Variants in MFRP observed in about 807,000 individuals in gnomAD.
MFRP encodes C1q and TNF related 5.
A neutral mutation model predicts 65.8 loss-of-function variants in MFRP; 74 were observed. The observed-to-expected ratio is 1.12, with a 90% CI of 0.93 to 1.36. MFRP has a LOEUF of 1.36. MFRP is among the 40% of genes most tolerant of loss of function. The pLI is 0.00. For missense variants in MFRP, 838 were observed against 736.0 expected, an observed-to-expected ratio of 1.14 and a Z score of -1.60; for synonymous variants, 336 against 288.3, an observed-to-expected ratio of 1.17 and a Z score of -1.68.
rs534690569 is a variant in MFRP at position 119,340,362 on chromosome 11, C to T, written c.*932G>A. The T allele has an allele frequency of 1.9e-5, 30 of 1,544,052 alleles. No individual in the cohort carries two copies. The East Asian group carries it at 6.4e-4, about 33-fold the overall frequency. ...CGTCCAGTGGGGGCGAGCCGGCCGC[C>T]AGGCCCAGGAGCAGCAGGACGAGGA... On this transcript the variant is annotated 3_prime_UTR_variant, in exon 14 of 15. Coordinates refer to ENST00000619721, the MANE Select transcript of MFRP (RefSeq NM_031433.4).
In MFRP at chr11:119,340,282, C is replaced by A; in HGVS notation, c.*1012G>T. ...CGGCAAGCCCTGGCTGCCATGGTGG[C>A]CCGGCGTGCCTGGAAGGCCGGGGTG... On this transcript the variant is annotated 3_prime_UTR_variant, in exon 14 of 15. Coordinates refer to ENST00000619721, the MANE Select transcript of MFRP (RefSeq NM_031433.4). 2.6e-6 allele frequency: 4 copies of A among 1,530,750 alleles called. No homozygotes were observed. Among genetic ancestry groups the A allele is most frequent in the Non-Finnish European group, 3.5e-6 (4 of 1,140,636 alleles). 94.8% of individuals were successfully genotyped at this position (1,530,750 alleles called of 1,614,324 possible).
Position 119,341,907 on chromosome 11 carries a change from C to T in MFRP, c.1465G>A (p.Val489Met), listed in dbSNP as rs1950506856. ...YNTTAFPNIW[V>M]GMITQEEVVE... Reference sequence around the variant, plus strand: ...ACCTCCTCCTGGGTGATCATGCCCACCCAGATGTTAGGGAAGGCTGTGGTG... The same window carrying T: ...ACCTCCTCCTGGGTGATCATGCCCATCCAGATGTTAGGGAAGGCTGTGGTG... The change falls in exon 12 of 15, where the codon GTG becomes ATG. Residue 489 changes from valine (V) to methionine (M), a missense_variant. Coordinates refer to ENST00000619721, the MANE Select transcript of MFRP (RefSeq NM_031433.4). 2.5e-6 allele frequency: 4 copies of T among 1,614,050 alleles called. No homozygotes were observed. Among genetic ancestry groups the T allele is most frequent in the Non-Finnish European group, 3.4e-6 (4 of 1,180,020 alleles).
Position 119,340,262 on chromosome 11 carries a change from A to T in MFRP, c.*1032T>A, listed in dbSNP as rs773366542. 1 of 1,520,022 alleles carries T rather than the reference A, an allele frequency of 6.6e-7. No individual in the cohort carries two copies. The highest frequency in any genetic ancestry group is 1.2e-5 in the South Asian group (1 of 81,010). The allele number at this position is 1,520,022 out of a possible 1,614,324, so 94.2% of individuals were successfully genotyped here. ...CCGTCGCGGCCATCGCGGCCCGGCA[A>T]GCCCTGGCTGCCATGGTGGCCCGGC... On this transcript the variant is annotated 3_prime_UTR_variant, in exon 14 of 15. Transcript: ENST00000619721.
Position 119,339,823 on chromosome 11 carries a change from G to C in MFRP, c.*1136C>G. On this transcript the variant is annotated 3_prime_UTR_variant, in exon 15 of 15. Transcript: ENST00000619721. This position sits in a 1 kb window ranked among gnomAD's most constrained non-coding sequence, Gnocchi z 5.4. ...CGGGTCCCGCCTCTCCTCGCGGCCCGGGGTCCCCTCGAGGTCCCGGCAGTC... is the reference window on the plus strand; with the variant it reads ...CGGGTCCCGCCTCTCCTCGCGGCCCCGGGTCCCCTCGAGGTCCCGGCAGTC... The C allele has an allele frequency of 6.6e-7, 1 of 1,514,150 alleles. No individual in the cohort carries two copies. Among genetic ancestry groups the C allele is most frequent in the Admixed American group, 2.1e-5 (1 of 47,866 alleles). The allele number at this position is 1,514,150 out of a possible 1,614,324, so 93.8% of individuals were successfully genotyped here. A position where few individuals can be genotyped will look rare whatever the true frequency, so the allele number is the denominator to read the frequency against.
chr11:119,342,913 T>C lies in MFRP; in HGVS notation c.1215A>G (p.Gly405=). The part of the protein sequence containing the change: ...LFRTDHGISS[G]GFSATYLAFN... The stretch of plus-strand genomic sequence containing the variant: ...AGGCCAGGTAGGTGGCTGAGAAGCC[T>C]CCACTGCTGATGCCATGATCTGTCC... Residue 405 remains glycine, a synonymous_variant, in exon 10 of 15, where the codon GGA becomes GGG. Coordinates refer to ENST00000619721, the MANE Select transcript of MFRP (RefSeq NM_031433.4). 1.9e-6 allele frequency: 3 copies of C among 1,613,042 alleles called. No homozygotes were observed. In the African/African-American group the frequency reaches 4.0e-5, roughly 21 times the overall value.
In MFRP at chr11:119,345,841, G is replaced by A. The variant is rs200862830; in HGVS notation, c.359C>T (p.Thr120Ile). Residue 120 changes from threonine to isoleucine, a missense_variant, in exon 4 of 15, where the codon ACC (threonine) becomes ATC (isoleucine). Coordinates refer to ENST00000619721, the MANE Select transcript of MFRP (RefSeq NM_031433.4). ...AGGGGTCCCAGCTGCCTGAGAGGTG[G>A]TGATGGTGGGGGTGGTGGTGGTCGT... ...LTTTTTTPTI[T>I]TSQAAGTPKG... 6.2e-7 allele frequency: 1 copy of A among 1,613,996 alleles called. No homozygotes were observed.
chr11:119,346,550 G>A lies in MFRP; in HGVS notation c.-37C>T. 1 of 1,606,886 alleles carries A rather than the reference G, an allele frequency of 6.2e-7. No homozygotes were observed. Among genetic ancestry groups the A allele is most frequent in the Non-Finnish European group, 8.5e-7 (1 of 1,174,296 alleles). ...CTGCATGGCTTTCTGGAGTCCCTGT[G>A]ACAGCCCAAGACCCCCAAGGGCCCA... is the stretch of plus-strand genomic sequence containing the variant. On this transcript the variant is annotated 5_prime_UTR_variant, in exon 1 of 15. Transcript: ENST00000619721.
Position 119,339,429 on chromosome 11 carries a change from C to T in MFRP, c.*1530G>A, listed in dbSNP as rs768085743. 6.2e-7 allele frequency: 1 copy of T among 1,613,754 alleles called. No individual in the cohort carries two copies. Among genetic ancestry groups the T allele is most frequent in the South Asian group, 1.1e-5 (1 of 91,052 alleles). Reference sequence around the variant, plus strand: ...CTGGCATAGATGCCAATGTAGTCACCCACACCCACCTGCACCCACACTTGG... The same window carrying T: ...CTGGCATAGATGCCAATGTAGTCACTCACACCCACCTGCACCCACACTTGG... On this transcript the variant is annotated 3_prime_UTR_variant, in exon 15 of 15. Coordinates refer to ENST00000619721, the MANE Select transcript of MFRP (RefSeq NM_031433.4). The surrounding 1 kb of genome is among the most constrained non-coding windows in gnomAD (Gnocchi z 5.4).
Position 119,341,746 on chromosome 11 carries a change from C to G in MFRP, c.1542G>C (p.Gln514His), listed in dbSNP as rs368172459. The G allele has an allele frequency of 1.9e-4, 307 of 1,613,298 alleles. No individual in the cohort carries two copies. The highest frequency in any genetic ancestry group is 2.6e-4 in the Non-Finnish European group (303 of 1,180,028). ...YKSLTSLPCYQHFRRLLCGLL... is the reference protein window; with the variant it reads ...YKSLTSLPCYHHFRRLLCGLL... ...GCCCACACAGGAGCCTCCGGAAATG[C>G]TGGTAGCAGGGCAGGCTTGTCAGGC... The change falls in exon 13 of 15, where the codon CAG (glutamine) becomes CAC (histidine). Residue 514 changes from glutamine (Q) to histidine (H), a missense_variant. Transcript: ENST00000619721.
intron 5 of MFRP, 130 bp downstream of exon 5, chr11:119,345,290 A>G (rs936478735): frequency 2.0e-5 from 19 of 958,158 alleles, no homozygotes; most frequent in Non-Finnish European, 2.9e-5. Flanking sequence ...AGGTGGTGGC[A>G]GAGCTGGGCC....
Position 119,341,998 on chromosome 11 carries a change from G to T in MFRP, c.1388-14C>A, listed in dbSNP as rs1403920624. On this transcript the variant is annotated splice_polypyrimidine_tract_variant and intron_variant, in intron 11 of 14. Coordinates refer to ENST00000619721, the MANE Select transcript of MFRP (RefSeq NM_031433.4). The stretch of plus-strand genomic sequence containing the variant: ...CACAGGCCAGCTCTGCAGGGGTGGA[G>T]GGGAGGGCCACTGTGGGGACTGCTC... The T allele has an allele frequency of 2.4e-5, 39 of 1,613,004 alleles. No individual in the cohort carries two copies. In the Admixed American group the frequency reaches 6.3e-4, roughly 26 times the overall value.
In MFRP at chr11:119,343,835, C is replaced by T. The variant is rs371667705; in HGVS notation, c.1105G>A (p.Ala369Thr). 7 of 1,613,846 alleles carry T rather than the reference C, an allele frequency of 4.3e-6. No homozygotes were observed. In the African/African-American group the frequency reaches 5.3e-5, roughly 12 times the overall value. Residue 369 changes from alanine (A) to threonine (T), a missense_variant, in exon 9 of 15, where the codon GCC becomes ACC. Ala to Thr is a moderately conservative substitution (Grantham distance 58). Transcript: ENST00000619721. ...VEVYETSSSG[A>T]FSLLGRFCGA... The stretch of plus-strand genomic sequence containing the variant: ...CTGTACCTGCCCAGGAGGCTGAAGG[C>T]CCCTGAGCTGCTGGTCTCATACACC...
chr11:119,341,618 C>T lies in MFRP; in HGVS notation c.1670G>A (p.Gly557Asp). 7 of 1,612,968 alleles carry T rather than the reference C, an allele frequency of 4.3e-6. No individual in the cohort carries two copies. The highest frequency in any genetic ancestry group is 5.9e-6 in the Non-Finnish European group (7 of 1,180,002). Residue 557 changes from glycine (G) to aspartate (D), a missense_variant, in exon 13 of 15, where the codon GGC becomes GAC. By Grantham distance (94) the Gly-to-Asp change is moderately conservative (BLOSUM62 -1). Transcript: ENST00000619721. Reference sequence around the variant, plus strand: ...GTTGCAGTTGAAGGGCCAGGGGGTGCCCAGTAGTGCCAGGCCAGACTGGCA... The same window carrying T: ...GTTGCAGTTGAAGGGCCAGGGGGTGTCCAGTAGTGCCAGGCCAGACTGGCA... ...HQCQSGLALL[G>D]TPWPFNCNRL...
chr11:119,343,766 G>C, intron 9 of MFRP, 50 bp downstream of exon 9: 3 of 1,610,164 alleles, frequency 1.9e-6, no homozygotes, highest in African/African-American at 1.3e-5. Context: ...AGCCGGGGGT[G>C]GCAGACAGTG....
At position 119,344,964 on chromosome 11, in the gene MFRP, C is replaced by A; in HGVS notation, c.682G>T (p.Ala228Ser). 6.2e-7 allele frequency: 1 copy of A among 1,609,324 alleles called. No homozygotes were observed. The change falls in exon 6 of 15, where the codon GCC becomes TCC. Residue 228 changes from alanine to serine, a missense_variant. Ala to Ser is a moderately conservative substitution (Grantham distance 99, BLOSUM62 1). Transcript: ENST00000619721. Reference protein sequence around the residue: ...RVPPPTLNTNASHLLVVFVSD... With the variant: ...RVPPPTLNTNSSHLLVVFVSD... ...ACGAAGACCACCAGGAGGTGGCTGG[C>A]ATTGGTGTTGAGCGTGGGGGGAGGC...
chr11:119,345,563 G>A lies in MFRP; in HGVS notation c.498C>T (p.Pro166=). 6 of 1,612,332 alleles carry A rather than the reference G, an allele frequency of 3.7e-6. No homozygotes were observed. Among genetic ancestry groups the A allele is most frequent in the Non-Finnish European group, 5.1e-6 (6 of 1,178,838 alleles). ...SSPNYPDPYP[P]NTHCVWHIQV... ...GGATATGCCACACGCAGTGGGTGTT[G>A]GGGGGGTAAGGGTCTGGGTAGTTAG... Residue 166 remains proline, a synonymous_variant, in exon 5 of 15, where the codon CCC becomes CCT. Coordinates refer to ENST00000619721, the MANE Select transcript of MFRP (RefSeq NM_031433.4).
chr11:119,340,418 G>A lies in MFRP; in HGVS notation c.*876C>T. ...CTCATAGCGCTGGCACCGGGAGCCCGGACGCCGGGGTCCTCTCGCAGTCTG... is the reference window on the plus strand; with the variant it reads ...CTCATAGCGCTGGCACCGGGAGCCCAGACGCCGGGGTCCTCTCGCAGTCTG... On this transcript the variant is annotated 3_prime_UTR_variant, in exon 14 of 15. Transcript: ENST00000619721. 2 of 1,540,660 alleles carry A rather than the reference G, an allele frequency of 1.3e-6. No homozygotes were observed. Among genetic ancestry groups the A allele is most frequent in the Non-Finnish European group, 1.7e-6 (2 of 1,145,204 alleles).
At position 119,338,970 on chromosome 11, in the gene MFRP, C is replaced by G. The variant is rs1400960873; in HGVS notation, c.*1989G>C. The stretch of plus-strand genomic sequence containing the variant: ...GGTTCTTAGGTTTATTGAGTGATCT[C>G]TGAGAAAAGGGCCGGCCCCAGGAGC... On this transcript the variant is annotated 3_prime_UTR_variant, in exon 15 of 15. Transcript: ENST00000619721. 4.6e-6 allele frequency: 1 copy of G among 219,450 alleles called. No individual in the cohort carries two copies. The highest frequency in any genetic ancestry group is 9.0e-6 in the Non-Finnish European group (1 of 110,714). The allele number at this position is 219,450 out of a possible 1,614,324, so 13.6% of individuals were successfully genotyped here.
At chr11:119,344,442 C>T (rs754309603) in intron 7 of MFRP, 51 bp from the exon 8 acceptor site, 23 of 1,582,300 alleles carry the variant, frequency 1.5e-5, no homozygotes, top group Non-Finnish European at 1.9e-5. Context: ...GTGCCTCCAT[C>T]CAATAGGGCT....
Sources: allele counts gnomAD v4.1 joint callset, GRCh38; gene constraint gnomAD v4.1.1; non-coding constraint Gnocchi (gnomAD v3.1); transcripts MANE v1.5; gene names NCBI Gene and HGNC (gene_info 2026-07-23, HGNC 2026-07-21).